KLHL32: variants seen among roughly 807,000 people sequenced by gnomAD.
The protein encoded by KLHL32 is kelch like family member 32.
A neutral mutation model predicts 64.8 loss-of-function variants in KLHL32; 35 were observed. That is an observed-to-expected ratio of 0.54 (90% CI 0.41 to 0.72). The LOEUF (loss-of-function observed/expected upper bound fraction) is 0.72, where lower values mean the gene tolerates loss of function less well. KLHL32 is among the 30% of genes least tolerant of loss of function. The pLI is 0.00. For missense variants in KLHL32, 589 were observed against 768.5 expected, an observed-to-expected ratio of 0.77 and a Z score of 2.76; for synonymous variants, 259 against 281.0, an observed-to-expected ratio of 0.92 and a Z score of 0.78.
intron 4 of KLHL32, among the ~76,000 whole-genome samples, chr6:97,058,832 C>T (rs75693171): frequency 0.03 from 4,455 of 150,076 alleles, 234 homozygotes; most frequent in African/African-American, 0.1. Flanking sequence ...GGCTGGTTGC[C>T]ACTCTAAGTG....
At chr6:97,123,288 G>T (rs896812495) in intron 7 of KLHL32, among the ~76,000 whole-genome samples, 1 of 152,124 alleles carries the variant, frequency 6.6e-6, no homozygotes, top group Non-Finnish European at 1.5e-5. Context: ...CAGAGACAAA[G>T]GTTGCTTGTT....
intron 3 of KLHL32, among the ~76,000 whole-genome samples, chr6:97,022,357 T>C (rs1220648272): frequency 1.3e-5 from 2 of 150,860 alleles, no homozygotes; most frequent in Non-Finnish European, 2.9e-5. Flanking sequence ...CTGCCTGGAT[T>C]ACTCCTCTAG....
intron 3 of KLHL32, among the ~76,000 whole-genome samples, chr6:97,036,695 T>C (rs1163525888): frequency 6.6e-6 from 1 of 152,310 alleles, no homozygotes; most frequent in African/African-American, 2.4e-5. Context: ...ACTGTCATGG[T>C]GCATGGGGGT....
At chr6:97,032,490 C>G (rs1783699691) in intron 3 of KLHL32, among the ~76,000 whole-genome samples, 1 of 152,100 alleles carries the variant, frequency 6.6e-6, no homozygotes, top group Non-Finnish European at 1.5e-5. Flanking sequence ...TTTGAAAGAC[C>G]CTAGAAATGT....
chr6:97,101,435 A>G (rs1186196795), intron 6 of KLHL32, among the ~76,000 whole-genome samples: 1 of 152,202 alleles, frequency 6.6e-6, no homozygotes, highest in Non-Finnish European at 1.5e-5. Context: ...GTGAATGGCA[A>G]ATGAGAACGT....
intron 5 of KLHL32, among the ~76,000 whole-genome samples, chr6:97,067,717 T>A (rs748351760): frequency 2.0e-5 from 3 of 152,232 alleles, no homozygotes; most frequent in Non-Finnish European, 4.4e-5. Flanking sequence ...ACTAGGATGT[T>A]GATCTGGCTT....
At chr6:96,906,826 T>G in the KLHL32 span, among the ~76,000 whole-genome samples, 25 of 152,192 alleles carry the variant, frequency 1.6e-4, no homozygotes, top group Non-Finnish European at 2.5e-4. Context: ...CCATAGAAGC[T>G]CAGGATGTAT....
At chr6:97,118,329 T>C (rs1318706875) in intron 7 of KLHL32, among the ~76,000 whole-genome samples, 2 of 152,148 alleles carry the variant, frequency 1.3e-5, no homozygotes, top group Admixed American at 6.5e-5. Flanking sequence ...TTGAGAATTG[T>C]AGACAAAGGC....
chr6:97,069,171 C>T (rs1287738866), intron 5 of KLHL32, among the ~76,000 whole-genome samples: 2 of 152,142 alleles, frequency 1.3e-5, no homozygotes, highest in African/African-American at 2.4e-5. Context: ...CTATTCTTCA[C>T]TCAGAAGCCA....
chr6:97,056,199 G>A (rs1226675925), intron 4 of KLHL32, among the ~76,000 whole-genome samples: 10 of 143,594 alleles, frequency 7.0e-5, no homozygotes, highest in East Asian at 2.1e-4. Flanking sequence ...TCCGCTTCCC[G>A]GGTTCACGCC....
intron 6 of KLHL32, among the ~76,000 whole-genome samples, chr6:97,111,936 C>A (rs1290944161): frequency 6.6e-6 from 1 of 152,002 alleles, no homozygotes; most frequent in Non-Finnish European, 1.5e-5. Context: ...TTCTCTCCAA[C>A]TATAGTCTCT....
rs1021659598 is a variant in KLHL32, at chr6:97,069,425, T to A, written c.411+4699T>A. 1.1e-4 allele frequency among the ~76,000 whole-genome samples: 16 copies of A among 145,130 alleles called. No homozygotes were observed. The Admixed American group carries it at 1.1e-3, about 10-fold the overall frequency. The stretch of plus-strand genomic sequence containing the variant: ...CTTTTTTTTTTTTTTTTTGTACCAA[T>A]GGCAATTTCAGTAAGAAACTATGTT... On this transcript the variant is annotated intron_variant, in intron 5 of 10. Coordinates refer to ENST00000369261, the MANE Select transcript of KLHL32 (RefSeq NM_052904.4).
At chr6:97,081,879 G>T (rs748811400) in intron 5 of KLHL32, among the ~76,000 whole-genome samples, 5 of 152,178 alleles carry the variant, frequency 3.3e-5, no homozygotes, top group African/African-American at 1.2e-4. Flanking sequence ...TGGTGTGAAT[G>T]TGTAGGTTGT....
intron 6 of KLHL32, among the ~76,000 whole-genome samples, chr6:97,095,176 G>A (rs958842711): frequency 2.0e-5 from 3 of 152,144 alleles, no homozygotes; most frequent in Non-Finnish European, 4.4e-5. Flanking sequence ...CAGAAAGGAC[G>A]ATGCTTAGTT....
At chr6:96,949,152 A>T (rs1772269618) in intron 1 of KLHL32, among the ~76,000 whole-genome samples, 1 of 152,256 alleles carries the variant, frequency 6.6e-6, no homozygotes, top group South Asian at 2.1e-4. Context: ...TTCTTCTTAG[A>T]ATGTAAGTTC....
At chr6:97,132,366 T>G (rs1456161911) in intron 9 of KLHL32, among the ~76,000 whole-genome samples, 1 of 152,236 alleles carries the variant, frequency 6.6e-6, no homozygotes, top group Non-Finnish European at 1.5e-5. Flanking sequence ...TGACATAGCA[T>G]AGAATTCAGT....
intron 1 of KLHL32, among the ~76,000 whole-genome samples, chr6:96,935,894 G>C (rs982373689): frequency 6.6e-6 from 1 of 152,088 alleles, no homozygotes; most frequent in Non-Finnish European, 1.5e-5. Context: ...TTCTCCTAAG[G>C]AGAAATAAAT....
intron 4 of KLHL32, among the ~76,000 whole-genome samples, chr6:97,060,997 G>C (rs1178207041): frequency 6.6e-6 from 1 of 152,154 alleles, no homozygotes; most frequent in African/African-American, 2.4e-5. Context: ...TCCTGGGCCA[G>C]ACCCAAGTAA....
intron 1 of KLHL32, among the ~76,000 whole-genome samples, chr6:96,953,377 A>G (rs1206494778): frequency 3.3e-5 from 5 of 152,156 alleles, no homozygotes; most frequent in Admixed American, 6.5e-5. Flanking sequence ...TGCCTGTAAT[A>G]CCAGCACTTT....
Sources: allele counts gnomAD v4.1 joint callset (sites outside exome capture counted in the v4.1 genomes callset), GRCh38; gene constraint gnomAD v4.1.1; transcripts MANE v1.5; gene names NCBI Gene and HGNC (gene_info 2026-07-23, HGNC 2026-07-21).